Variants in PTK2 observed in about 807,000 individuals in gnomAD.
PTK2 encodes focal adhesion kinase 1.
A neutral mutation model predicts 150.1 loss-of-function variants in PTK2; 45 were observed. The ratio of observed to expected loss-of-function variants is 0.30; its 90% CI spans 0.24 to 0.38. The LOEUF (loss-of-function observed/expected upper bound fraction) is 0.38. PTK2 is among the 10% of genes least tolerant of loss of function. The pLI is 1.00. For missense variants in PTK2, 919 were observed against 1,307.3 expected (o/e 0.70, Z 4.58); for synonymous variants, 432 against 449.2 (o/e 0.96, Z 0.48).
At chr8:140,848,666 T>G (rs2100127185) in intron 5 of PTK2, among the ~76,000 whole-genome samples, 1 of 152,176 alleles carries the variant, frequency 6.6e-6, no homozygotes, top group African/African-American at 2.4e-5. Context: ...CTACAAATAG[T>G]AGAAGCTCTT....
At chr8:140,767,039 T>C (rs1237723905) in intron 14 of PTK2, among the ~76,000 whole-genome samples, 1 of 152,222 alleles carries the variant, frequency 6.6e-6, no homozygotes, top group African/African-American at 2.4e-5. Flanking sequence ...GATTCCTGTG[T>C]GCTGATACTC....
intron 5 of PTK2, among the ~76,000 whole-genome samples, chr8:140,862,987 A>C (rs1599244060): frequency 6.6e-6 from 1 of 151,910 alleles, no homozygotes; most frequent in Non-Finnish European, 1.5e-5. Context: ...AAACAGACAC[A>C]CCCCCGCCAA....
chr8:140,933,861 A>G (rs1165302572), intron 1 of PTK2, among the ~76,000 whole-genome samples: 3 of 152,220 alleles, frequency 2.0e-5, no homozygotes, highest in Non-Finnish European at 4.4e-5. Context: ...CAATTTAAAA[A>G]AAAAGACACA....
chr8:140,963,099 C>T (rs1428720837), intron 1 of PTK2, among the ~76,000 whole-genome samples: 4 of 152,046 alleles, frequency 2.6e-5, no homozygotes, highest in Admixed American at 1.3e-4. Context: ...GATACCAACA[C>T]GCACGAACCT....
intron 8 of PTK2, among the ~76,000 whole-genome samples, chr8:140,827,070 TGC>T (rs1249785182): frequency 6.6e-6 from 1 of 152,154 alleles, no homozygotes; most frequent in Admixed American, 6.5e-5. Context: ...TTTCAATCTG[TGC>T]TCCATGTTGC....
intron 10 of PTK2, among the ~76,000 whole-genome samples, chr8:140,812,768 G>C (rs1183422186): frequency 6.6e-6 from 1 of 151,924 alleles, no homozygotes; most frequent in Non-Finnish European, 1.5e-5. Flanking sequence ...AACCAACTCA[G>C]TTAAAAAAGA....
At chr8:140,770,625 G>A in intron 14 of PTK2, 91 bp downstream of exon 15, 1 of 562,090 alleles carries the variant, frequency 1.8e-6, no homozygotes, top group Non-Finnish European at 2.6e-6. Context: ...GCTATGATCT[G>A]TTCAGGATAA....
intron 26 of PTK2, among the ~76,000 whole-genome samples, chr8:140,697,967 T>C (rs890106143): frequency 2.7e-5 from 4 of 149,984 alleles, no homozygotes; most frequent in Non-Finnish European, 5.9e-5. Context: ...GAAGCTGAGA[T>C]TATAGTCACT....
chr8:140,746,896 T>C (rs745828049), intron 17 of PTK2, 36 bp from the exon 21 acceptor site: 452 of 1,270,878 alleles, frequency 3.6e-4, no homozygotes, highest in Non-Finnish European at 4.3e-4. Flanking sequence ...TTCTTTCTTT[T>C]TTTTTTTTTT....
chr8:140,947,340 A>C lies in PTK2; in HGVS notation c.-121-21591T>G, dbSNP rs181222536. Among the ~76,000 whole-genome samples the C allele has an allele frequency of 2.6e-3, 394 of 152,378 alleles. 8 individuals carry two copies. The highest frequency in any genetic ancestry group is 0.022 in the Admixed American group (341 of 15,310). ...TCATCATGCTACAAACAATGTCTCA[A>C]TAAATATTTGTTCAATAAATGAGGA... On this transcript the variant is annotated intron_variant, in intron 1 of 31. Coordinates refer to ENST00000522684, the Ensembl canonical transcript of PTK2.
chr8:140,876,735 C>T (rs1055342214), intron 4 of PTK2, among the ~76,000 whole-genome samples: 1 of 151,988 alleles, frequency 6.6e-6, no homozygotes, highest in Non-Finnish European at 1.5e-5. Flanking sequence ...TTCATCTCTC[C>T]GTGGTATGTT....
intron 26 of PTK2, 89 bp downstream of exon 29, chr8:140,700,802 T>C: frequency 6.7e-7 from 1 of 1,497,370 alleles, no homozygotes; most frequent in Non-Finnish European, 9.0e-7. Context: ...CTCTCCTGCT[T>C]TGAAAGATAA....
chr8:140,875,811 G>A (rs2100145156), intron 4 of PTK2, among the ~76,000 whole-genome samples: 2 of 152,110 alleles, frequency 1.3e-5, no homozygotes, highest in South Asian at 4.1e-4. Flanking sequence ...GGCAGGTGTA[G>A]GGAGACTAGA....
At chr8:140,861,090 CA>C (rs1327356019) in intron 5 of PTK2, among the ~76,000 whole-genome samples, 8 of 152,150 alleles carry the variant, frequency 5.3e-5, no homozygotes, top group Admixed American at 2.6e-4. Context: ...CCTATACTCC[CA>C]GCACTTTGGG....
At chr8:140,999,879 C>G (rs949933489) in intron 1 of PTK2, among the ~76,000 whole-genome samples, 1 of 152,116 alleles carries the variant, frequency 6.6e-6, no homozygotes, top group Non-Finnish European at 1.5e-5. Context: ...CAAACTCTTG[C>G]ACTGCCTTCA....
intron 10 of PTK2, among the ~76,000 whole-genome samples, chr8:140,810,475 C>T (rs948609106): frequency 5.9e-5 from 9 of 152,306 alleles, no homozygotes; most frequent in African/African-American, 2.2e-4. Flanking sequence ...CTGGGGCCCA[C>T]ATCATAGCCC....
In PTK2 at chr8:140,902,937, T is replaced by G. The variant is rs1048178158; in HGVS notation, c.-32-12168A>C. On this transcript the variant is annotated intron_variant, in intron 2 of 31. Transcript: ENST00000522684. ...CTGATGAGAGTTGTTTTTTTTTTTTTTTTTTTTTTTTTTTTTTTTTTTGCC... is the reference window on the plus strand; with the variant it reads ...CTGATGAGAGTTGTTTTTTTTTTTTGTTTTTTTTTTTTTTTTTTTTTTGCC... Among the ~76,000 whole-genome samples the G allele has an allele frequency of 9.9e-4, 137 of 138,926 alleles. 1 individual carries two copies. Among genetic ancestry groups the G allele is most frequent in the African/African-American group, 2.4e-3 (93 of 38,420 alleles). The allele number at this position is 138,926 out of a possible 152,430, so 91.1% of individuals were successfully genotyped here.
chr8:140,677,555 T>C (rs1225536744), intron 27 of PTK2, among the ~76,000 whole-genome samples: 1 of 152,240 alleles, frequency 6.6e-6, no homozygotes, highest in Non-Finnish European at 1.5e-5. Flanking sequence ...AATAATGAAC[T>C]GGCTAATAGA....
intron 18 of PTK2, 80 bp from the exon 22 acceptor site, chr8:140,744,847 C>A (rs2100057825): frequency 2.8e-6 from 2 of 721,640 alleles, no homozygotes; most frequent in Admixed American, 2.6e-5. Flanking sequence ...AAAAAAGCTA[C>A]ATTCAACAAT....
Sources: gnomAD v4.1 joint callset for allele counts (sites outside exome capture counted in the v4.1 genomes callset) on GRCh38, gnomAD v4.1.1 for gene constraint, MANE v1.5 for transcripts, NCBI Gene and HGNC (gene_info 2026-07-23, HGNC 2026-07-21) for gene names.